LRIG2: variants seen among roughly 807,000 people sequenced by gnomAD.
The protein encoded by LRIG2 is leucine rich repeats and immunoglobulin like domains 2.
Under a neutral mutation model 107.8 loss-of-function variants are expected in LRIG2, and 93 were observed. That is an observed-to-expected ratio of 0.86 (90% confidence interval 0.73 to 1.03). LRIG2 has a LOEUF of 1.03. Among genes scored for constraint, LRIG2 ranks in the 50% least tolerant of loss-of-function variants. The probability of loss-of-function intolerance (pLI) is 0.00; values close to 1 mark genes in which losing one functional copy is unlikely to be tolerated. For missense variants in LRIG2, 1,226 were observed against 1,296.0 expected (o/e 0.95, Z 0.83); for synonymous variants, 471 against 470.6 (o/e 1.00, Z -0.01).
chr1:113,081,591 G>T (rs1488705447), intron 1 of LRIG2, among the ~76,000 whole-genome samples: 4 of 152,056 alleles, frequency 2.6e-5, no homozygotes, highest in Non-Finnish European at 5.9e-5. Context: ...GGTGATTTCA[G>T]CTCAGTGCAG....
intron 11 of LRIG2, chr1:113,103,190 GC>G (rs1654379461): frequency 6.6e-6 from 1 of 152,140 alleles, no homozygotes; most frequent in Admixed American, 6.5e-5. Context: ...CCGTAGGCAA[GC>G]CCTTAAACCT....
At chr1:113,109,964 G>A (rs1570760863) in intron 12 of LRIG2, among the ~76,000 whole-genome samples, 1 of 152,084 alleles carries the variant, frequency 6.6e-6, no homozygotes, top group Non-Finnish European at 1.5e-5. Context: ...TGACAGTAAG[G>A]GCTAGTAGAA....
chr1:113,094,773 GA>G lies in LRIG2; in HGVS notation c.803+19del. ...GAAGAACTGTAAGTACTCGGGACTA[GA>G]GGTGATTATTAGGAAAGTAGTCTGT... On this transcript the variant is annotated intron_variant, in intron 6 of 17. Transcript: ENST00000361127. 1.2e-6 allele frequency: 2 copies of G among 1,606,084 alleles called. No individual in the cohort carries two copies. The highest frequency in any genetic ancestry group is 1.7e-6 in the Non-Finnish European group (2 of 1,174,352).
At chr1:113,116,195 A>T in intron 15 of LRIG2, 92 bp from the exon 16 acceptor site, 1 of 1,066,988 alleles carries the variant, frequency 9.4e-7, no homozygotes, top group Admixed American at 2.4e-5. Context: ...TTTCTTGCTA[A>T]TAGTATCAAA....
rs747706691 is a variant in LRIG2, at chr1:113,114,787, T to TTTG, written c.2441_2442insTTG (p.Cys816dup). 1 of 1,614,196 alleles carries TTTG rather than the reference T, an allele frequency of 6.2e-7. No individual in the cohort carries two copies. The highest frequency in any genetic ancestry group is 8.5e-7 in the Non-Finnish European group (1 of 1,180,034). On this transcript the variant is annotated inframe_insertion, in exon 15 of 18. Coordinates refer to ENST00000361127, the MANE Select transcript of LRIG2 (RefSeq NM_014813.3). ...GTTGGCATTGTCATCATTGTTGTGGTCTGCTGTGTTGTTGGCACTTCTTTG... is the reference window on the plus strand; with the variant it reads ...GTTGGCATTGTCATCATTGTTGTGGTTTGCTGCTGTGTTGTTGGCACTTCTTTG...
intron 1 of LRIG2, among the ~76,000 whole-genome samples, chr1:113,087,513 T>C: frequency 6.6e-6 from 1 of 152,092 alleles, no homozygotes; most frequent in East Asian, 1.9e-4. Context: ...CATGCCTGGC[T>C]AATTTTTGTA....
At chr1:113,099,899 A>C (rs1406816362) in intron 9 of LRIG2, among the ~76,000 whole-genome samples, 1 of 152,210 alleles carries the variant, frequency 6.6e-6, no homozygotes, top group Non-Finnish European at 1.5e-5. Flanking sequence ...TTAACATCTG[A>C]AAATTACCAG....
intron 1 of LRIG2, among the ~76,000 whole-genome samples, chr1:113,082,209 G>A (rs938159923): frequency 6.6e-6 from 1 of 152,220 alleles, no homozygotes; most frequent in African/African-American, 2.4e-5. Flanking sequence ...ATCTGGGGAA[G>A]TGGTAAACAG....
intron 15 of LRIG2, among the ~76,000 whole-genome samples, 134 bp from the exon 16 acceptor site, chr1:113,116,134 TAGTTTTAGGGGAAGTACCA>T (rs1303197026): frequency 6.6e-6 from 1 of 152,212 alleles, no homozygotes; most frequent in Non-Finnish European, 1.5e-5. Context: ...TAGTGAGAAA[TAGTTTTAGGGGAAGTACCA>T]AGAGCTGTTG....
intron 1 of LRIG2, among the ~76,000 whole-genome samples, chr1:113,081,616 G>A (rs1236340827): frequency 6.6e-6 from 1 of 151,862 alleles, no homozygotes; most frequent in Admixed American, 6.6e-5. Context: ...TGTCTCCTGG[G>A]TTCAAGCAAT....
rs1449873937 is a variant in LRIG2, at chr1:113,094,367, T to G, written c.544T>G (p.Leu182Val). The change falls in exon 5 of 18, where the codon TTG becomes GTG. Residue 182 changes from leucine (L) to valine (V), a missense_variant. This residue lies in a region of LRIG2 where 570 missense variants were observed against 550.2 expected (regional missense o/e 1.04). Transcript: ENST00000361127. ...LNLSNNRITT[L>V]EAGCFDNLSS... Reference sequence around the variant, plus strand: ...TTTAAGTAATAACAGAATAACCACCTTGGAGGCTGGTTGCTTCGATAATTT... The same window carrying G: ...TTTAAGTAATAACAGAATAACCACCGTGGAGGCTGGTTGCTTCGATAATTT... 1 of 1,611,422 alleles carries G rather than the reference T, an allele frequency of 6.2e-7. No homozygotes were observed. Among genetic ancestry groups the G allele is most frequent in the African/African-American group, 1.3e-5 (1 of 74,864 alleles).
At chr1:113,079,719 T>C (rs1191841038) in intron 1 of LRIG2, among the ~76,000 whole-genome samples, 3 of 149,410 alleles carry the variant, frequency 2.0e-5, no homozygotes, top group Non-Finnish European at 4.4e-5. Context: ...GTTATACCTT[T>C]GGAGGGAAAT....
intron 6 of LRIG2, 54 bp from the exon 7 acceptor site, chr1:113,095,820 T>G: frequency 6.3e-7 from 1 of 1,598,928 alleles, no homozygotes; most frequent in Non-Finnish European, 8.6e-7. Context: ...TAAAGCTAGT[T>G]ATTGAACTGC....
intron 12 of LRIG2, among the ~76,000 whole-genome samples, chr1:113,109,760 C>T (rs1654692386): frequency 6.6e-6 from 1 of 152,160 alleles, no homozygotes; most frequent in Non-Finnish European, 1.5e-5. Context: ...CTGAGTTGAT[C>T]CACCCACTTC....
intron 17 of LRIG2, among the ~76,000 whole-genome samples, chr1:113,121,604 G>T (rs1215925698): frequency 6.6e-6 from 1 of 152,002 alleles, no homozygotes; most frequent in African/African-American, 2.4e-5. Context: ...TTAGCTGGGC[G>T]TGGTGGTGGG....
rs745687500 is a variant in LRIG2 at position 113,112,739 on chromosome 1, A to G, written c.2059A>G (p.Asn687Asp). 17 of 1,605,980 alleles carry G rather than the reference A, an allele frequency of 1.1e-5. No individual in the cohort carries two copies. Among genetic ancestry groups the G allele is most frequent in the Non-Finnish European group, 1.4e-5 (17 of 1,173,026 alleles). ...AAATACAGCAGGAGGTCTCTCAGCA[A>G]ATGCTTCCCTAACAGTGTTAGGTAC... is the stretch of plus-strand genomic sequence containing the variant. ...AQNTAGGLSA[N>D]ASLTVLETPS... The change falls in exon 14 of 18, where the codon AAT (asparagine) becomes GAT (aspartate). Residue 687 changes from asparagine (N) to aspartate (D), a missense_variant. Physicochemically the swap from Asn to Asp is conservative, Grantham distance 23. Transcript: ENST00000361127.
intron 12 of LRIG2, among the ~76,000 whole-genome samples, chr1:113,109,910 C>G (rs1027047281): frequency 6.6e-6 from 1 of 152,092 alleles, no homozygotes; most frequent in African/African-American, 2.4e-5. Flanking sequence ...CTGTTTTTCC[C>G]CAATAACTGA....
chr1:113,081,955 T>C (rs1020943624), intron 1 of LRIG2, among the ~76,000 whole-genome samples: 4 of 152,232 alleles, frequency 2.6e-5, no homozygotes, highest in Non-Finnish European at 5.9e-5. Flanking sequence ...AGAAACACTT[T>C]AACTGGATAT....
At position 113,096,263 on chromosome 1, in the gene LRIG2, C is replaced by A. The variant is rs200140695; in HGVS notation, c.989C>A (p.Ala330Asp). The change falls in exon 8 of 18, where the codon GCC (alanine) becomes GAC (aspartate). Residue 330 changes from alanine (A) to aspartate (D), a missense_variant. This residue lies in a region of LRIG2 where 570 missense variants were observed against 550.2 expected (regional missense o/e 1.04). Transcript: ENST00000361127. ...CAGCTGACCCGCCTGGATGAATCTGCCTTTGTGGGTCTGAGCTTATTGGAG... is the reference window on the plus strand; with the variant it reads ...CAGCTGACCCGCCTGGATGAATCTGACTTTGTGGGTCTGAGCTTATTGGAG... ...YNQLTRLDES[A>D]FVGLSLLERL... The A allele has an allele frequency of 1.7e-5, 28 of 1,614,120 alleles. No individual in the cohort carries two copies. In the African/African-American group the frequency reaches 3.6e-4, roughly 21 times the overall value.
Sources: gnomAD v4.1 joint callset for allele counts (sites outside exome capture counted in the v4.1 genomes callset) on GRCh38, gnomAD v4.1.1 for gene constraint, gnomAD v4.1.1 regional missense constraint, MANE v1.5 for transcripts, NCBI Gene and HGNC (gene_info 2026-07-23, HGNC 2026-07-21) for gene names.